Variants in ACER1 observed in about 807,000 individuals in gnomAD.
ACER1 encodes CTB-180A7.3.
In ACER1, 28 loss-of-function variants were observed where a neutral mutation model predicts 24.9. That is an observed-to-expected ratio of 1.13 (90% CI 0.83 to 1.54). The LOEUF (loss-of-function observed/expected upper bound fraction) is 1.54, where lower values mean the gene tolerates loss of function less well. ACER1 is among the 40% of genes most tolerant of loss of function. ACER1 has a pLI of 0.00. For missense variants in ACER1, 352 were observed against 349.3 expected (o/e 1.01, Z -0.06); for synonymous variants, 132 against 131.4 (o/e 1.00, Z -0.03).
the ACER1 span, among the ~76,000 whole-genome samples, chr19:6,358,001 G>A: frequency 2.0e-5 from 3 of 152,162 alleles, no homozygotes; most frequent in African/African-American, 4.8e-5. Context: ...GGCAGGGGGT[G>A]CAGGGCAGCG....
chr19:6,340,808 G>A, the ACER1 span, among the ~76,000 whole-genome samples: 1 of 152,144 alleles, frequency 6.6e-6, no homozygotes, highest in Admixed American at 6.6e-5. Context: ...CCCGCTAGGG[G>A]GAGAGAAGGG....
At chr19:6,355,818 C>T in the ACER1 span, among the ~76,000 whole-genome samples, 6 of 145,612 alleles carry the variant, frequency 4.1e-5, no homozygotes, top group Non-Finnish European at 3.0e-5. Context: ...GCCCCCCGCC[C>T]GGCCAGCCGC....
the ACER1 span, among the ~76,000 whole-genome samples, chr19:6,341,024 G>A: frequency 5.3e-5 from 8 of 151,926 alleles, no homozygotes; most frequent in East Asian, 1.2e-3. Context: ...TTCCTGCCCC[G>A]TCCAGTGTCT....
At chr19:6,346,838 G>A in the ACER1 span, among the ~76,000 whole-genome samples, 1 of 151,702 alleles carries the variant, frequency 6.6e-6, no homozygotes, top group Non-Finnish European at 1.5e-5. Context: ...AGATTACTCT[G>A]GTCCAGCGGG....
intron 1 of ACER1, among the ~76,000 whole-genome samples, chr19:6,331,787 C>G (rs1257234633): frequency 6.8e-6 from 1 of 147,908 alleles, no homozygotes; most frequent in Non-Finnish European, 1.5e-5. Context: ...AAGCGAGACT[C>G]CGTTTCAAAA....
intron 4 of ACER1, among the ~76,000 whole-genome samples, chr19:6,308,414 G>A (rs1308883195): frequency 2.8e-5 from 4 of 143,660 alleles, no homozygotes; most frequent in African/African-American, 7.9e-5. Context: ...CAGCCTGGGC[G>A]ACAAGAGTGA....
the ACER1 span, among the ~76,000 whole-genome samples, chr19:6,343,587 C>T: frequency 7.0e-6 from 1 of 142,922 alleles, no homozygotes; most frequent in Non-Finnish European, 1.5e-5. Context: ...CCTCCATACC[C>T]ATCATGTGGC....
chr19:6,338,620 A>G, the ACER1 span, among the ~76,000 whole-genome samples: 1 of 151,922 alleles, frequency 6.6e-6, no homozygotes, highest in Non-Finnish European at 1.5e-5. Context: ...AGAGGGTCTC[A>G]CTCTGCTGCC....
chr19:6,329,875 AT>A lies in ACER1; in HGVS notation c.93+3583del, dbSNP rs540451359. On this transcript the variant is annotated intron_variant, in intron 1 of 5. Coordinates refer to ENST00000301452, the MANE Select transcript of ACER1 (RefSeq NM_133492.3). ...TTTATTTTTAATTTTTTAATTTTTA[AT>A]TTTTTTTTTTTTGAGATGGAGTCTT... is the stretch of plus-strand genomic sequence containing the variant. Among the ~76,000 whole-genome samples the A allele has an allele frequency of 5.4e-3, 783 of 144,368 alleles. 3 individuals are homozygous for A. Among genetic ancestry groups the A allele is most frequent in the African/African-American group, 0.017 (670 of 39,724 alleles). The allele number at this position is 144,368 out of a possible 152,430, so 94.7% of individuals were successfully genotyped here.
chr19:6,349,951 C>A, the ACER1 span, among the ~76,000 whole-genome samples: 1 of 152,122 alleles, frequency 6.6e-6, no homozygotes, highest in African/African-American at 2.4e-5. Context: ...GGCAACATAG[C>A]AAGACCTCGT....
At chr19:6,323,292 T>C (rs576390258) in intron 1 of ACER1, among the ~76,000 whole-genome samples, 30 of 151,498 alleles carry the variant, frequency 2.0e-4, no homozygotes, top group Non-Finnish European at 2.5e-4. Flanking sequence ...AGGTGGCGGG[T>C]GCCTGTAGTC....
upstream of ACER1, chr19:6,333,625 T>C: frequency 7.4e-7 from 1 of 1,358,392 alleles, no homozygotes; most frequent in Non-Finnish European, 1.0e-6. Context: ...TGGGCCCTGA[T>C]GAGGCGGGGA....
chr19:6,308,686 C>T lies in ACER1; in HGVS notation c.488+1011G>A, dbSNP rs190410294. Among the ~76,000 whole-genome samples, 300 of 152,178 alleles carry T rather than the reference C, an allele frequency of 2.0e-3. 1 individual carries two copies. Among genetic ancestry groups the T allele is most frequent in the African/African-American group, 6.7e-3 (277 of 41,498 alleles). ...TCAAGCTCTCAAAGTGCTGGGATTA[C>T]AGGCATGAGCCATCATGCCCAGCAA... On this transcript the variant is annotated intron_variant, in intron 4 of 5. Transcript: ENST00000301452.
At chr19:6,323,975 G>A (rs1430470153) in intron 1 of ACER1, among the ~76,000 whole-genome samples, 1 of 152,132 alleles carries the variant, frequency 6.6e-6, no homozygotes, top group Non-Finnish European at 1.5e-5. Context: ...TGAGGAGAGT[G>A]TTGGAGATGG....
chr19:6,326,984 C>A (rs1315964205), intron 1 of ACER1, among the ~76,000 whole-genome samples: 4 of 152,184 alleles, frequency 2.6e-5, no homozygotes, highest in African/African-American at 9.6e-5. Flanking sequence ...CTATCCTTCC[C>A]CACTTGGCAA....
intron 4 of ACER1, among the ~76,000 whole-genome samples, chr19:6,309,414 T>C (rs183956642): frequency 6.6e-6 from 1 of 151,902 alleles, no homozygotes; most frequent in Non-Finnish European, 1.5e-5. Flanking sequence ...CCCAGCTACT[T>C]GGGAGGCTGG....
Position 6,312,429 on chromosome 19 carries a change from C to A in ACER1, c.164G>T (p.Arg55Leu), listed in dbSNP as rs762156558. Residue 55 changes from arginine to leucine, a missense_variant, in exon 2 of 6, where the codon CGC (arginine) becomes CTC (leucine). Physicochemically the swap from Arg to Leu is moderately radical, Grantham distance 102 (BLOSUM62 -2). Transcript: ENST00000301452. ...CCAGACAACGTAAATGTAGCGGGAG[C>A]GCTTCTGGGCATACGGGTGCATCAG... ...MLLMHPYAQK[R>L]SRYIYVVWVL... is the part of the protein sequence containing the mutation. The A allele has an allele frequency of 6.2e-7, 1 of 1,613,942 alleles. No homozygotes were observed.
chr19:6,359,226 T>C, the ACER1 span, among the ~76,000 whole-genome samples: 2 of 151,924 alleles, frequency 1.3e-5, no homozygotes, highest in Non-Finnish European at 2.9e-5. Context: ...AGCGAGACAC[T>C]GACTCAAAAC....
At chr19:6,329,710 C>T (rs1437145363) in intron 1 of ACER1, among the ~76,000 whole-genome samples, 1 of 151,866 alleles carries the variant, frequency 6.6e-6, no homozygotes, top group African/African-American at 2.4e-5. Flanking sequence ...TTTCTAGGTG[C>T]TTTTTATTTT....
Sources: gnomAD v4.1 joint callset for allele counts (sites outside exome capture counted in the v4.1 genomes callset) on GRCh38, gnomAD v4.1.1 for gene constraint, MANE v1.5 for transcripts, NCBI Gene and HGNC (gene_info 2026-07-23, HGNC 2026-07-21) for gene names.